The following ABCB6 variants were observed in gnomAD, a reference collection of about 807,000 sequenced individuals.
The protein encoded by ABCB6 is ATP binding cassette subfamily B member 6 (LAN blood group), also known as ATP-binding cassette sub-family B member 6.
A neutral mutation model predicts 99.4 loss-of-function variants in ABCB6; 87 were observed. The ratio of observed to expected loss-of-function variants is 0.88; its 90% CI spans 0.74 to 1.05. The LOEUF (loss-of-function observed/expected upper bound fraction) is 1.05, where lower values mean the gene tolerates loss of function less well. Among genes scored for constraint, ABCB6 ranks in the 50% least tolerant of loss-of-function variants. The probability of loss-of-function intolerance (pLI) is 0.00; values close to 1 mark genes in which losing one functional copy is unlikely to be tolerated. For missense variants in ABCB6, 1,050 were observed against 1,097.9 expected, an observed-to-expected ratio of 0.96 and a Z score of 0.62; for synonymous variants, 482 against 447.5, an observed-to-expected ratio of 1.08 and a Z score of -0.97.
intron 5 of ABCB6, chr2:219,215,354 CTA>C (rs1950626847): frequency 2.5e-6 from 1 of 393,074 alleles, no homozygotes; most frequent in African/African-American, 2.0e-5. Context: ...AGAATGATGG[CTA>C]TGTCACAATA....
At position 219,213,495 on chromosome 2, in the gene ABCB6, G is replaced by A. The variant is rs796065353; in HGVS notation, c.1663C>T (p.Gln555Ter). The A allele has an allele frequency of 2.5e-6, 4 of 1,614,208 alleles. No homozygotes were observed. The highest frequency in any genetic ancestry group is 2.5e-6 in the Non-Finnish European group (3 of 1,180,044). ...TTCTCCATGTCAATGAAGTTGGTCT[G>A]GATCATCCTGCAAAAAGGTGCTGGT... ...NWFGTYYRMI[Q>*]TNFIDMENMF... Residue 555 changes from glutamine to a stop codon, truncating the protein, a stop_gained, in exon 11 of 19, where the codon CAG becomes TAG. Coordinates refer to ENST00000265316, the MANE Select transcript of ABCB6 (RefSeq NM_005689.4). LOFTEE classifies it high-confidence loss of function.
At chr2:219,217,937 G>T in intron 1 of ABCB6, 130 bp from the exon 2 acceptor site, 1 of 1,062,992 alleles carries the variant, frequency 9.4e-7, no homozygotes, top group Non-Finnish European at 1.3e-6. Flanking sequence ...AAAAAAAAAA[G>T]CAAAACCACA....
Position 219,218,707 on chromosome 2 carries a change from A to G in ABCB6, c.-34T>C. 2.0e-6 allele frequency: 3 copies of G among 1,513,628 alleles called. No individual in the cohort carries two copies. The highest frequency in any genetic ancestry group is 2.7e-6 in the Non-Finnish European group (3 of 1,130,386). The allele number at this position is 1,513,628 out of a possible 1,614,324, so 93.8% of individuals were successfully genotyped here. The stretch of plus-strand genomic sequence containing the variant: ...GTGGACGCCGGCCGAGGCTGCGGGC[A>G]CTGCGGGACCGGAGGCCGGGACTGG... On this transcript the variant is annotated 5_prime_UTR_variant, in exon 1 of 19. Coordinates refer to ENST00000265316, the MANE Select transcript of ABCB6 (RefSeq NM_005689.4).
chr2:219,218,629 A>T lies in ABCB6; in HGVS notation c.45T>A (p.Gly15=), dbSNP rs1574820043. 6.2e-7 allele frequency: 1 copy of T among 1,603,996 alleles called. No individual in the cohort carries two copies. The highest frequency in any genetic ancestry group is 8.5e-7 in the Non-Finnish European group (1 of 1,176,156). ...GNYCEAEGPV[G]PAWMQDGLSP... is the part of the protein sequence containing the mutation. ...TCAGGCCATCCTGCATCCAGGCCGG[A>T]CCCACGGGCCCTTCGGCCTCGCAGT... Residue 15 remains glycine (G), a synonymous_variant, in exon 1 of 19, where the codon GGT becomes GGA. Coordinates refer to ENST00000265316, the MANE Select transcript of ABCB6 (RefSeq NM_005689.4).
At chr2:219,213,131 C>G (rs544994317) in intron 12 of ABCB6, 66 bp from the exon 13 acceptor site, 200 of 1,603,026 alleles carry the variant, frequency 1.2e-4, no homozygotes, top group Middle Eastern at 5.0e-4. Flanking sequence ...TAGGCCCTGC[C>G]CCTCCCCTGC....
Position 219,212,998 on chromosome 2 carries a change from C to T in ABCB6, c.1863+10G>A, listed in dbSNP as rs779305304. On this transcript the variant is annotated intron_variant, in intron 13 of 18. Coordinates refer to ENST00000265316, the MANE Select transcript of ABCB6 (RefSeq NM_005689.4). ...AGGCATCTGGGCCAAGTGGCTGGGT[C>T]TCCTCTCACCAGGGCAAGTGTCTGT... The T allele has an allele frequency of 6.8e-6, 11 of 1,613,708 alleles. No individual in the cohort carries two copies. The highest frequency in any genetic ancestry group is 9.3e-6 in the Non-Finnish European group (11 of 1,179,882).
At chr2:219,215,855 T>A (rs1180595874) in intron 5 of ABCB6, 142 bp downstream of exon 5, 1 of 847,324 alleles carries the variant, frequency 1.2e-6, no homozygotes, top group Non-Finnish European at 1.7e-6. Context: ...GGAGAGCATG[T>A]ATACAATAAT....
rs762091274 is a variant in ABCB6 at position 219,210,391 on chromosome 2, C to G, written c.2341G>C (p.Val781Leu). The change falls in exon 17 of 19, where the codon GTG becomes CTG. Residue 781 changes from valine to leucine, a missense_variant. Physicochemically the swap from Val to Leu is conservative, Grantham distance 32. Transcript: ENST00000265316. Reference sequence around the variant, plus strand: ...CCTGTAGTCCTGTACCTGTGTGCCACTACGATGGTGGTGCGGTTGGCACAG... The same window carrying G: ...CCTGTAGTCCTGTACCTGTGTGCCAGTACGATGGTGGTGCGGTTGGCACAG... ...KVCANRTTIVVAHRLSTVVNA... is the reference protein window; with the variant it reads ...KVCANRTTIVLAHRLSTVVNA... The G allele has an allele frequency of 6.2e-7, 1 of 1,614,226 alleles. No individual in the cohort carries two copies. Among genetic ancestry groups the G allele is most frequent in the South Asian group, 1.1e-5 (1 of 91,090 alleles).
Position 219,216,079 on chromosome 2 carries a change from G to C in ABCB6, c.1072C>G (p.Leu358Val), listed in dbSNP as rs151194178. 6 of 1,595,820 alleles carry C rather than the reference G, an allele frequency of 3.8e-6. No homozygotes were observed. The highest frequency in any genetic ancestry group is 4.3e-6 in the Non-Finnish European group (5 of 1,171,772). Residue 358 changes from leucine (L) to valine (V), a missense_variant, in exon 5 of 19, where the codon CTG becomes GTG. Leu to Val is a conservative substitution (Grantham distance 32). Coordinates refer to ENST00000265316, the MANE Select transcript of ABCB6 (RefSeq NM_005689.4). This position sits in a 1 kb window ranked among gnomAD's most constrained non-coding sequence, Gnocchi z 4.2. Reference protein sequence around the residue: ...LIFSHLHELSLRWHLGRRTGE... With the variant: ...LIFSHLHELSVRWHLGRRTGE... ...GTGCGGCGCCCCAGGTGCCAGCGCAGTGAGAGCTCGTGCAGGTGGGAGAAG... is the reference window on the plus strand; with the variant it reads ...GTGCGGCGCCCCAGGTGCCAGCGCACTGAGAGCTCGTGCAGGTGGGAGAAG...
rs139647510 is a variant in ABCB6, at chr2:219,210,406, G to A, written c.2326C>T (p.Arg776Cys). 8.7e-6 allele frequency: 14 copies of A among 1,614,192 alleles called. No homozygotes were observed. The highest frequency in any genetic ancestry group is 3.3e-5 in the South Asian group (3 of 91,086). ...QASLAKVCAN[R>C]TTIVVAHRLS... ...CTGTGTGCCACTACGATGGTGGTGC[G>A]GTTGGCACAGACTTTGGCCAGAGAA... Residue 776 changes from arginine to cysteine, a missense_variant, in exon 17 of 19, where the codon CGC becomes TGC. Transcript: ENST00000265316.
Position 219,217,476 on chromosome 2 carries a change from T to C in ABCB6, c.687+194A>G, listed in dbSNP as rs573529729. Among the ~76,000 whole-genome samples the C allele has an allele frequency of 1.1e-4, 16 of 151,906 alleles. No homozygotes were observed. In the South Asian group the frequency reaches 3.3e-3, roughly 32 times the overall value. On this transcript the variant is annotated intron_variant, in intron 2 of 18. Transcript: ENST00000265316. ...CTGGCCAATGCTGTGAAACCCTGTCTCTACTAAAAATACAAAACTTAGCTG... is the reference window on the plus strand; with the variant it reads ...CTGGCCAATGCTGTGAAACCCTGTCCCTACTAAAAATACAAAACTTAGCTG...
At chr2:219,213,559 C>G (rs1370066232) in intron 10 of ABCB6, 31 bp downstream of exon 10, 1 of 1,614,020 alleles carries the variant, frequency 6.2e-7, no homozygotes, top group Non-Finnish European at 8.5e-7. Flanking sequence ...ATAATGTGCC[C>G]TGGACAGGTG....
chr2:219,214,647 C>A lies in ABCB6; in HGVS notation c.1277-149G>T. On this transcript the variant is annotated intron_variant, in intron 6 of 18. Coordinates refer to ENST00000265316, the MANE Select transcript of ABCB6 (RefSeq NM_005689.4). ...CACAGGGAGGCACCTCTGCAGCCTG[C>A]ACAAAGTCTCATGTGTAGAAAACGC... 6.1e-6 allele frequency: 4 copies of A among 660,132 alleles called. No individual in the cohort carries two copies. The South Asian group carries it at 7.5e-5, about 12-fold the overall frequency. The allele number at this position is 660,132 out of a possible 1,614,324, so 40.9% of individuals were successfully genotyped here. A position where few individuals can be genotyped will look rare whatever the true frequency, so the allele number is the denominator to read the frequency against.
In ABCB6 at chr2:219,216,001, G is replaced by T; in HGVS notation, c.1150C>A (p.Leu384Ile). Reference protein sequence around the residue: ...DRGTSSVTGLLSYLVFNVIPT... With the variant: ...DRGTSSVTGLISYLVFNVIPT... ...CCCTTTCCACTGGGGCGGCACCTGAGCAGCCCTGTGACACTGGATGTGCCC... is the reference window on the plus strand; with the variant it reads ...CCCTTTCCACTGGGGCGGCACCTGATCAGCCCTGTGACACTGGATGTGCCC... Residue 384 changes from leucine (L) to isoleucine (I), a missense_variant, in exon 5 of 19, where the codon CTC becomes ATC. Transcript: ENST00000265316. The surrounding 1 kb of genome is among the most constrained non-coding windows in gnomAD (Gnocchi z 4.2). The T allele has an allele frequency of 6.4e-7, 1 of 1,570,326 alleles. No homozygotes were observed. Among genetic ancestry groups the T allele is most frequent in the African/African-American group, 1.3e-5 (1 of 74,172 alleles).
In ABCB6 at chr2:219,210,381, CTGTG is replaced by C; in HGVS notation, c.2347_2350del (p.His783GlyfsTer?). On this transcript the variant is annotated frameshift_variant and splice_region_variant, in exon 17 of 19. Coordinates refer to ENST00000265316, the MANE Select transcript of ABCB6 (RefSeq NM_005689.4). LOFTEE classifies it high-confidence loss of function. ...CCGCCCCAGGCCTGTAGTCCTGTACCTGTGTGCCACTACGATGGTGGTGCGGTTG... is the reference window on the plus strand; with the variant it reads ...CCGCCCCAGGCCTGTAGTCCTGTACCTGCCACTACGATGGTGGTGCGGTTG... 1 of 1,614,248 alleles carries C rather than the reference CTGTG, an allele frequency of 6.2e-7. No individual in the cohort carries two copies. Among genetic ancestry groups the C allele is most frequent in the Non-Finnish European group, 8.5e-7 (1 of 1,180,042 alleles).
In ABCB6 at chr2:219,212,483, T is replaced by G. The variant is rs751268708; in HGVS notation, c.1872A>C (p.Pro624=). ...MPGQTLALVG[P]SGAGKSTILR... is the part of the protein sequence containing the mutation. ...AAATTGTGCTCTTCCCTGCCCCAGATGGGCCCACCTGTTGCATTGGAAATG... is the reference window on the plus strand; with the variant it reads ...AAATTGTGCTCTTCCCTGCCCCAGAGGGGCCCACCTGTTGCATTGGAAATG... Residue 624 remains proline, a synonymous_variant, in exon 14 of 19, where the codon CCA becomes CCC. Coordinates refer to ENST00000265316, the MANE Select transcript of ABCB6 (RefSeq NM_005689.4). 5.0e-6 allele frequency: 8 copies of G among 1,613,614 alleles called. No individual in the cohort carries two copies. Among genetic ancestry groups the G allele is most frequent in the Non-Finnish European group, 6.8e-6 (8 of 1,179,834 alleles).
At position 219,214,201 on chromosome 2, in the gene ABCB6, C is replaced by A; in HGVS notation, c.1387-15G>T. On this transcript the variant is annotated splice_polypyrimidine_tract_variant and intron_variant, in intron 7 of 18. Coordinates refer to ENST00000265316, the MANE Select transcript of ABCB6 (RefSeq NM_005689.4). ...TAATACTTCACCTGATGAATTCAAA[C>A]CAAATTTATTTGGCATGGGCACAGC... 2 of 1,614,048 alleles carry A rather than the reference C, an allele frequency of 1.2e-6. No individual in the cohort carries two copies. The highest frequency in any genetic ancestry group is 1.7e-6 in the Non-Finnish European group (2 of 1,179,922).
chr2:219,218,656 G>C lies in ABCB6; in HGVS notation c.18C>G (p.Asn6Lys), dbSNP rs1950681781. 22 of 1,582,988 alleles carry C rather than the reference G, an allele frequency of 1.4e-5. No homozygotes were observed. The highest frequency in any genetic ancestry group is 3.6e-5 in the Admixed American group (2 of 55,464). Residue 6 changes from asparagine to lysine, a missense_variant, in exon 1 of 19, where the codon AAC becomes AAG. Physicochemically the swap from Asn to Lys is moderately conservative, Grantham distance 94. Coordinates refer to ENST00000265316, the MANE Select transcript of ABCB6 (RefSeq NM_005689.4). MVTVG[N>K]YCEAEGPVGP... is the part of the protein sequence containing the mutation. ...CCACGGGCCCTTCGGCCTCGCAGTA[G>C]TTGCCCACAGTCACCATGGCAATGC...
At position 219,213,334 on chromosome 2, in the gene ABCB6, G is replaced by A. The variant is rs185646565; in HGVS notation, c.1720-8C>T. On this transcript the variant is annotated splice_polypyrimidine_tract_variant and splice_region_variant and intron_variant, in intron 11 of 18. Transcript: ENST00000265316. ...TCCAGGAAGGTCCTTCACCTGGAAGGGCACCACCCATGTGTGCTGAGGTTC... is the reference window on the plus strand; with the variant it reads ...TCCAGGAAGGTCCTTCACCTGGAAGAGCACCACCCATGTGTGCTGAGGTTC... 3.3e-5 allele frequency: 53 copies of A among 1,613,980 alleles called. No homozygotes were observed. Among genetic ancestry groups the A allele is most frequent in the Middle Eastern group, 3.3e-4 (2 of 6,062 alleles).
Sources: gnomAD v4.1 joint callset for allele counts (sites outside exome capture counted in the v4.1 genomes callset) on GRCh38, gnomAD v4.1.1 for gene constraint, Gnocchi (gnomAD v3.1) non-coding constraint, MANE v1.5 for transcripts, NCBI Gene and HGNC (gene_info 2026-07-23, HGNC 2026-07-21) for gene names.